Variants in PRMT3 observed in about 807,000 individuals in gnomAD.
PRMT3 encodes the protein protein arginine N-methyltransferase 3.
PRMT3 carries 62 observed loss-of-function variants against 71.9 expected under a neutral mutation model. The ratio of observed to expected loss-of-function variants is 0.86; its 90% confidence interval spans 0.70 to 1.07. PRMT3 has a LOEUF of 1.07. PRMT3 is among the 50% of genes least tolerant of loss of function. The pLI, the probability that PRMT3 is intolerant of heterozygous loss-of-function variation, is 0.00. For synonymous variants in PRMT3, 213 were observed against 220.4 expected (o/e 0.97, Z 0.30); for missense variants, 663 against 643.0 (o/e 1.03, Z -0.34).
intron 4 of PRMT3, 133 bp downstream of exon 4, chr11:20,392,393 C>T (rs1218669256): frequency 1.3e-5 from 12 of 919,842 alleles, no homozygotes; most frequent in East Asian, 5.9e-5. Context: ...GGGGGAATCA[C>T]GGACATTAGG....
At chr11:20,465,490 C>G (rs1850490799) in intron 13 of PRMT3, among the ~76,000 whole-genome samples, 2 of 151,828 alleles carry the variant, frequency 1.3e-5, no homozygotes, top group African/African-American at 4.8e-5. Flanking sequence ...CTGCCTGATT[C>G]TTTTAAATAT....
At position 20,389,818 on chromosome 11, in the gene PRMT3, A is replaced by G; in HGVS notation, c.239A>G (p.His80Arg). 6.2e-7 allele frequency: 1 copy of G among 1,607,640 alleles called. No homozygotes were observed. The highest frequency in any genetic ancestry group is 8.5e-7 in the Non-Finnish European group (1 of 1,174,440). ...CAGTTTAATATTGACAGCATGGTTC[A>G]TAAACATGGTGAGTAGTTTTTAGAA... ...EHQFNIDSMVHKHGLEFYGYI... is the reference protein window; with the variant it reads ...EHQFNIDSMVRKHGLEFYGYI... The change falls in exon 3 of 16, where the codon CAT becomes CGT. Residue 80 changes from histidine (H) to arginine (R), a missense_variant. Physicochemically the swap from His to Arg is conservative, Grantham distance 29. Coordinates refer to ENST00000331079, the MANE Select transcript of PRMT3 (RefSeq NM_005788.4).
intron 14 of PRMT3, 57 bp from the exon 15 acceptor site, chr11:20,494,110 A>C: frequency 6.6e-7 from 1 of 1,505,418 alleles, no homozygotes. Context: ...AGATTAATGT[A>C]CCATGATATT....
intron 8 of PRMT3, chr11:20,406,330 C>G (rs1466149707): frequency 6.6e-6 from 1 of 152,140 alleles, no homozygotes; most frequent in Non-Finnish European, 1.5e-5. Flanking sequence ...TTTGTTTTCC[C>G]GAATGTTTTC....
intron 6 of PRMT3, among the ~76,000 whole-genome samples, chr11:20,397,253 G>A (rs945264726): frequency 2.0e-5 from 3 of 152,090 alleles, no homozygotes; most frequent in African/African-American, 7.2e-5. Context: ...TGATTCATTT[G>A]CTAAAAAAGG....
intron 13 of PRMT3, among the ~76,000 whole-genome samples, chr11:20,473,904 G>C (rs539357452): frequency 6.6e-6 from 1 of 152,260 alleles, no homozygotes; most frequent in South Asian, 2.1e-4. Context: ...TTTGAATGGG[G>C]TTTGTGTCAG....
chr11:20,387,751 G>A lies in PRMT3; in HGVS notation c.5G>A (p.Cys2Tyr). ...GGCTCTCGGGGCACCACAGCCATGT[G>A]CTCGTTAGCGTCAGGCGCTACCGGT... M[C>Y]SLASGATGGR... The change falls in exon 1 of 16, where the codon TGC becomes TAC. Residue 2 changes from cysteine (C) to tyrosine (Y), a missense_variant. By Grantham distance (194) the Cys-to-Tyr change is radical. Transcript: ENST00000331079. This position sits in a 1 kb window ranked among gnomAD's most constrained non-coding sequence, Gnocchi z 4.3. 1 of 1,541,232 alleles carries A rather than the reference G, an allele frequency of 6.5e-7. No homozygotes were observed. The highest frequency in any genetic ancestry group is 8.7e-7 in the Non-Finnish European group (1 of 1,146,100).
intron 9 of PRMT3, among the ~76,000 whole-genome samples, chr11:20,415,216 T>G (rs1462028230): frequency 2.0e-5 from 3 of 152,054 alleles, no homozygotes; most frequent in Non-Finnish European, 2.9e-5. Context: ...TAAAAAAAAT[T>G]TGTTCTTCAA....
intron 10 of PRMT3, among the ~76,000 whole-genome samples, chr11:20,446,926 A>G (rs1031204658): frequency 6.6e-6 from 1 of 152,180 alleles, no homozygotes; most frequent in Non-Finnish European, 1.5e-5. Flanking sequence ...TAAGGAAAGT[A>G]TCTTACCCAA....
rs141206049 is a variant in PRMT3 at position 20,390,502 on chromosome 11, TCAC to T, written c.247+677_247+679del. 4.2e-3 allele frequency among the ~76,000 whole-genome samples: 644 copies of T among 152,260 alleles called. 1 individual carries two copies. Among genetic ancestry groups the T allele is most frequent in the African/African-American group, 0.015 (623 of 41,562 alleles). ...ATCAGCTCAAAGCATGACATGAACT[TCAC>T]AGCCTACGAGACTGAGTTTTATACA... On this transcript the variant is annotated intron_variant, in intron 3 of 15. Transcript: ENST00000331079.
intron 9 of PRMT3, among the ~76,000 whole-genome samples, chr11:20,425,469 A>G (rs1179891678): frequency 1.3e-5 from 2 of 152,226 alleles, no homozygotes; most frequent in African/African-American, 4.8e-5. Flanking sequence ...TTTATTCATT[A>G]TGGTCCAAAG....
chr11:20,471,058 A>G (rs1850632825), intron 13 of PRMT3, among the ~76,000 whole-genome samples: 2 of 149,792 alleles, frequency 1.3e-5, no homozygotes, highest in South Asian at 4.3e-4. Flanking sequence ...TTGTTTGCCC[A>G]CTTTTTAATG....
intron 10 of PRMT3, among the ~76,000 whole-genome samples, chr11:20,451,117 T>C (rs1023357122): frequency 6.6e-6 from 1 of 152,152 alleles, no homozygotes; most frequent in Admixed American, 6.6e-5. Context: ...TGAAGCACAG[T>C]ATTGGAATGT....
chr11:20,422,252 A>G (rs538507324), intron 9 of PRMT3, among the ~76,000 whole-genome samples: 1 of 152,074 alleles, frequency 6.6e-6, no homozygotes, highest in South Asian at 2.1e-4. Flanking sequence ...ACAGTGAATC[A>G]CCAGGCTTTT....
chr11:20,461,334 G>C (rs529939906), intron 11 of PRMT3, among the ~76,000 whole-genome samples: 1 of 152,084 alleles, frequency 6.6e-6, no homozygotes, highest in Admixed American at 6.6e-5. Flanking sequence ...TTTGCCATGA[G>C]CTCCCTTAGT....
intron 15 of PRMT3, among the ~76,000 whole-genome samples, chr11:20,506,117 C>A (rs1851584963): frequency 1.3e-5 from 2 of 152,110 alleles, no homozygotes; most frequent in Non-Finnish European, 2.9e-5. Flanking sequence ...AATGCGCTTA[C>A]CTCATAGCAA....
At chr11:20,485,587 T>C (rs992177722) in intron 13 of PRMT3, among the ~76,000 whole-genome samples, 3 of 152,014 alleles carry the variant, frequency 2.0e-5, no homozygotes, top group African/African-American at 4.8e-5. Flanking sequence ...CATGTATTAG[T>C]GTAGAGAAGA....
chr11:20,392,951 G>C lies in PRMT3; in HGVS notation c.352G>C (p.Glu118Gln), dbSNP rs749109318. 6.2e-7 allele frequency: 1 copy of C among 1,607,240 alleles called. No individual in the cohort carries two copies. Among genetic ancestry groups the C allele is most frequent in the East Asian group, 2.2e-5 (1 of 44,814 alleles). ...SIYNPVPWEK[E>Q]EYLKPVLEDD... ...ATACAACCCAGTGCCTTGGGAGAAA[G>C]AAGAGTATTTGAAGCCAGTATTAGA... Residue 118 changes from glutamate to glutamine, a missense_variant, in exon 5 of 16, where the codon GAA becomes CAA. Transcript: ENST00000331079.
intron 10 of PRMT3, among the ~76,000 whole-genome samples, chr11:20,438,493 G>C (rs1388178211): frequency 2.0e-5 from 3 of 152,070 alleles, no homozygotes; most frequent in African/African-American, 7.2e-5. Flanking sequence ...TCGGACTCGT[G>C]GGGGTTAGTC....
Sources: gnomAD v4.1 joint callset for allele counts (sites outside exome capture counted in the v4.1 genomes callset) on GRCh38, gnomAD v4.1.1 for gene constraint, Gnocchi (gnomAD v3.1) non-coding constraint, MANE v1.5 for transcripts, NCBI Gene and HGNC (gene_info 2026-07-23, HGNC 2026-07-21) for gene names.